Variants in DLC1 observed in about 807,000 individuals in gnomAD.
The protein encoded by DLC1 is DLC1 Rho GTPase activating protein, also known as rho GTPase-activating protein 7.
Under a neutral mutation model 140.3 loss-of-function variants are expected in DLC1, and 54 were observed. The observed-to-expected ratio is 0.38, with a 90% CI of 0.31 to 0.48. DLC1 has a LOEUF of 0.48. DLC1 is among the 20% of genes least tolerant of loss of function. The probability of loss-of-function intolerance (pLI) is 0.96; values close to 1 mark genes in which losing one functional copy is unlikely to be tolerated. For missense variants in DLC1, 2,536 were observed against 1,907.0 expected, an observed-to-expected ratio of 1.33 and a Z score of -6.14; for synonymous variants, 986 against 728.1, an observed-to-expected ratio of 1.35 and a Z score of -5.70.
At chr8:13,391,372 T>C (rs992168023) in intron 4 of DLC1, among the ~76,000 whole-genome samples, 3 of 152,230 alleles carry the variant, frequency 2.0e-5, no homozygotes, top group Non-Finnish European at 2.9e-5. Flanking sequence ...AGCTGGATAC[T>C]ACTCGCATCC....
chr8:13,398,384 T>C (rs1265007012), intron 3 of DLC1, among the ~76,000 whole-genome samples: 1 of 151,926 alleles, frequency 6.6e-6, no homozygotes, highest in Admixed American at 6.6e-5. Flanking sequence ...ATACAGAATG[T>C]TGTGGTGAGA....
chr8:13,215,233 A>T (rs1828139325), intron 5 of DLC1, among the ~76,000 whole-genome samples: 1 of 152,230 alleles, frequency 6.6e-6, no homozygotes, highest in Non-Finnish European at 1.5e-5. Flanking sequence ...TTTAACAAAA[A>T]AAATTAATAA....
chr8:13,566,015 A>G (rs1254957783), intron 1 of DLC1, among the ~76,000 whole-genome samples: 1 of 152,228 alleles, frequency 6.6e-6, no homozygotes, highest in African/African-American at 2.4e-5. Context: ...TATTTGTTCC[A>G]TAGCCATTCA....
intron 7 of DLC1, among the ~76,000 whole-genome samples, chr8:13,103,977 C>G (rs1388115095): frequency 6.6e-6 from 1 of 151,590 alleles, no homozygotes; most frequent in African/African-American, 2.4e-5. Context: ...TATTTGAAAT[C>G]AAAACTCAAA....
chr8:13,086,442 G>C lies in DLC1; in HGVS notation c.4314C>G (p.Pro1438=), dbSNP rs1173860388. 6.2e-7 allele frequency: 1 copy of C among 1,613,954 alleles called. No individual in the cohort carries two copies. The highest frequency in any genetic ancestry group is 1.3e-5 in the African/African-American group (1 of 74,916). The change falls in exon 17 of 18, where the codon CCC becomes CCG. Residue 1438 remains proline (P), a synonymous_variant. Coordinates refer to ENST00000276297, the MANE Select transcript of DLC1 (RefSeq NM_182643.3). ...VVLRTWRTNL[P]KGACALLLTS... ...TTAGTAAAAGGGCACAGGCTCCTTT[G>C]GGTAAATTAGTCCTCCAGGTTCTGT...
chr8:13,538,390 G>A (rs1168621290), intron 1 of DLC1, among the ~76,000 whole-genome samples: 1 of 151,882 alleles, frequency 6.6e-6, no homozygotes, highest in Admixed American at 6.6e-5. Flanking sequence ...ACAGCATCTC[G>A]AATATTTCAG....
upstream of DLC1, among the ~76,000 whole-genome samples, chr8:13,518,033 A>T (rs777700010): frequency 3.3e-5 from 5 of 152,188 alleles, no homozygotes; most frequent in Non-Finnish European, 7.3e-5. Context: ...TGGTGGAACA[A>T]TTATGTACTC....
intron 5 of DLC1, among the ~76,000 whole-genome samples, chr8:13,188,225 G>A (rs138298671): frequency 0.016 from 2,466 of 151,504 alleles, 73 homozygotes; most frequent in African/African-American, 0.056. Flanking sequence ...GGGGTTACAG[G>A]TGCCGGCCAC....
At chr8:13,293,766 A>C (rs1369637633) in intron 5 of DLC1, among the ~76,000 whole-genome samples, 1 of 152,144 alleles carries the variant, frequency 6.6e-6, no homozygotes, top group African/African-American at 2.4e-5. Flanking sequence ...CAAATGTGGG[A>C]GGAAACATTT....
chr8:13,330,903 C>A (rs552300853), intron 4 of DLC1, among the ~76,000 whole-genome samples: 1 of 152,178 alleles, frequency 6.6e-6, no homozygotes, highest in Non-Finnish European at 1.5e-5. Context: ...AGGTGTTCCA[C>A]CCTCTGCAAA....
At chr8:13,465,243 T>C (rs1367624893) in intron 2 of DLC1, among the ~76,000 whole-genome samples, 1 of 152,058 alleles carries the variant, frequency 6.6e-6, no homozygotes, top group African/African-American at 2.4e-5. Context: ...CAAAATCGAG[T>C]GTTTCTAGGA....
chr8:13,091,223 G>C (rs570698048), intron 14 of DLC1, 95 bp downstream of exon 14: 3 of 1,140,994 alleles, frequency 2.6e-6, no homozygotes, highest in Non-Finnish European at 3.8e-6. Flanking sequence ...CTGTGGAAAA[G>C]GTCTTCAGGT....
intron 1 of DLC1, among the ~76,000 whole-genome samples, chr8:13,521,797 C>T (rs1197866447): frequency 6.6e-6 from 1 of 152,152 alleles, no homozygotes; most frequent in African/African-American, 2.4e-5. Context: ...CTGTCTTTCC[C>T]TTTCAAGTGG....
chr8:13,265,261 A>T (rs1044851169), intron 5 of DLC1, among the ~76,000 whole-genome samples: 2 of 152,228 alleles, frequency 1.3e-5, no homozygotes, highest in Admixed American at 6.5e-5. Context: ...AACAGGGCGA[A>T]GAAAGCATTT....
At chr8:13,371,385 C>T (rs1563292087) in intron 4 of DLC1, among the ~76,000 whole-genome samples, 1 of 151,978 alleles carries the variant, frequency 6.6e-6, no homozygotes, top group African/African-American at 2.4e-5. Flanking sequence ...CTGTTTCTAT[C>T]TCTCTGTCTC....
chr8:13,569,941 G>C (rs1804588759), intron 1 of DLC1, among the ~76,000 whole-genome samples: 1 of 152,106 alleles, frequency 6.6e-6, no homozygotes, highest in African/African-American at 2.4e-5. Flanking sequence ...GCCCAGACTG[G>C]TCTGGAATTC....
At chr8:13,105,983 T>A (rs1300665400) in intron 7 of DLC1, among the ~76,000 whole-genome samples, 1 of 152,190 alleles carries the variant, frequency 6.6e-6, no homozygotes, top group African/African-American at 2.4e-5. Flanking sequence ...GCGTAACCCA[T>A]CCGTCCAGAA....
chr8:13,583,400 G>T (rs1442439157), intron 1 of DLC1, among the ~76,000 whole-genome samples: 4 of 152,154 alleles, frequency 2.6e-5, no homozygotes, highest in Non-Finnish European at 4.4e-5. Flanking sequence ...GCAACTCTCT[G>T]TTGGTTCAGG....
intron 1 of DLC1, chr8:13,566,719 A>T: frequency 2.2e-6 from 1 of 458,242 alleles, no homozygotes; most frequent in Non-Finnish European, 3.9e-6. Context: ...AGGAGTGCAG[A>T]AGACAGGGCA....
Sources: gnomAD v4.1 joint callset for allele counts (sites outside exome capture counted in the v4.1 genomes callset) on GRCh38, gnomAD v4.1.1 for gene constraint, MANE v1.5 for transcripts, NCBI Gene and HGNC (gene_info 2026-07-23, HGNC 2026-07-21) for gene names.